Variants in TACC1 observed in about 807,000 individuals in gnomAD.
TACC1 encodes transforming acidic coiled-coil containing protein 1, also known as transforming acidic coiled-coil-containing protein 1.
TACC1 carries 48 observed loss-of-function variants against 84.4 expected under a neutral mutation model. That is an observed-to-expected ratio of 0.57 (90% CI 0.45 to 0.72). TACC1 has a LOEUF of 0.72. TACC1 is among the 30% of genes least tolerant of loss of function. TACC1 has a pLI of 0.00. For missense variants in TACC1, 920 were observed against 973.0 expected (o/e 0.95, Z 0.72); for synonymous variants, 372 against 376.3 (o/e 0.99, Z 0.13).
chr8:38,760,570 T>C lies in TACC1; in HGVS notation c.26+15077T>C, dbSNP rs1348215361. Among the ~76,000 whole-genome samples the C allele has an allele frequency of 3.3e-5, 5 of 152,156 alleles. No homozygotes were observed. In the East Asian group the frequency reaches 9.6e-4, roughly 29 times the overall value. ...TTTTTGAGATGGAGTCTCACTCTGT[T>C]GCCCAGGCTGGAGTGCAGTGGCACA... On this transcript the variant is annotated intron_variant, in intron 3 of 14. Coordinates refer to the TACC1 transcript ENST00000518415.
intron 6 of TACC1, among the ~76,000 whole-genome samples, chr8:38,831,651 G>A (rs545976206): frequency 7.2e-5 from 11 of 152,076 alleles, no homozygotes; most frequent in East Asian, 1.9e-4. Flanking sequence ...ACGTGCCACC[G>A]CACCCAGCTA....
intron 3 of TACC1, among the ~76,000 whole-genome samples, chr8:38,769,958 T>A (rs895639807): frequency 2.0e-5 from 3 of 149,954 alleles, no homozygotes; most frequent in Non-Finnish European, 4.5e-5. Context: ...TGTGTGTGTG[T>A]GAGAGAGAGT....
intron 11 of TACC1, chr8:38,846,471 G>A: frequency 2.5e-6 from 1 of 392,756 alleles, no homozygotes. Flanking sequence ...GACTGTTATA[G>A]AAACCATTTG....
At chr8:38,750,035 G>T (rs577725926) in intron 3 of TACC1, among the ~76,000 whole-genome samples, 2 of 152,256 alleles carry the variant, frequency 1.3e-5, no homozygotes, top group South Asian at 2.1e-4. Flanking sequence ...CTATAAGAAG[G>T]GGGTAAAAGG....
chr8:38,828,683 G>C (rs1404437570), intron 5 of TACC1, among the ~76,000 whole-genome samples: 1 of 152,186 alleles, frequency 6.6e-6, no homozygotes, highest in African/African-American at 2.4e-5. Context: ...AGGTCTGAGG[G>C]GTTGCTTTAT....
intron 3 of TACC1, among the ~76,000 whole-genome samples, chr8:38,775,096 T>A (rs892395358): frequency 8.5e-5 from 13 of 152,056 alleles, no homozygotes; most frequent in African/African-American, 2.7e-4. Flanking sequence ...TAAAACAATT[T>A]ACAGTGCCTT....
intron 3 of TACC1, among the ~76,000 whole-genome samples, chr8:38,753,714 A>T (rs1809441055): frequency 6.6e-6 from 1 of 152,194 alleles, no homozygotes; most frequent in South Asian, 2.1e-4. Flanking sequence ...CCCAGCTGCC[A>T]TGCCAGTCAG....
At chr8:38,741,683 G>A (rs752443870) in intron 1 of TACC1, among the ~76,000 whole-genome samples, 15 of 152,136 alleles carry the variant, frequency 9.9e-5, no homozygotes, top group Non-Finnish European at 2.1e-4. Context: ...GCCCGTCCAA[G>A]ACTAGACTGT....
chr8:38,760,464 G>A (rs1193108246), intron 3 of TACC1, among the ~76,000 whole-genome samples: 2 of 152,178 alleles, frequency 1.3e-5, no homozygotes, highest in Admixed American at 1.3e-4. Context: ...GGAAACATTG[G>A]AAATACAGTT....
At chr8:38,774,318 A>G (rs1389489676) in intron 3 of TACC1, among the ~76,000 whole-genome samples, 1 of 152,192 alleles carries the variant, frequency 6.6e-6, no homozygotes, top group African/African-American at 2.4e-5. Context: ...TACTAAGCTC[A>G]CTAATATGCA....
chr8:38,814,846 A>G (rs1825048714), intron 2 of TACC1, among the ~76,000 whole-genome samples: 1 of 152,246 alleles, frequency 6.6e-6, no homozygotes, highest in Non-Finnish European at 1.5e-5. Flanking sequence ...TCTTGTCCTA[A>G]CATTTAATAT....
Position 38,820,366 on chromosome 8 carries a change from C to CG in TACC1, c.1125dup (p.Pro376AlafsTer12), listed in dbSNP as rs1563779341. ...AGCCTACAGACCCAGTGGCACGAGA[C>CG]GGGCCTCTCTCCCAAACATCTTCCA... On this transcript the variant is annotated frameshift_variant, in exon 3 of 13. Coordinates refer to ENST00000317827, the MANE Select transcript of TACC1 (RefSeq NM_006283.3). LOFTEE classifies it high-confidence loss of function. 1 of 1,614,160 alleles carries CG rather than the reference C, an allele frequency of 6.2e-7. No individual in the cohort carries two copies. The highest frequency in any genetic ancestry group is 1.7e-5 in the Admixed American group (1 of 60,030).
At chr8:38,836,660 C>T (rs192783560) in intron 7 of TACC1, among the ~76,000 whole-genome samples, 18 of 152,290 alleles carry the variant, frequency 1.2e-4, no homozygotes, top group Non-Finnish European at 2.1e-4. Flanking sequence ...TGCAGTAATA[C>T]ACAGTTGTTT....
chr8:38,785,629 C>A (rs1245087975), upstream of TACC1: 1 of 900,722 alleles, frequency 1.1e-6, no homozygotes, highest in Non-Finnish European at 1.3e-6. Flanking sequence ...AGAACAGGTC[C>A]TAGTGTATGC....
At chr8:38,742,421 T>G in exon 2 of TACC1, 1 of 1,529,820 alleles carries the variant, frequency 6.5e-7, no homozygotes, top group Non-Finnish European at 8.8e-7. Flanking sequence ...CCAAGTACAC[T>G]GAGATCAAAT....
At chr8:38,807,165 A>G (rs1287946538) in intron 2 of TACC1, among the ~76,000 whole-genome samples, 1 of 152,164 alleles carries the variant, frequency 6.6e-6, no homozygotes, top group Non-Finnish European at 1.5e-5. Context: ...AAGCTCTCTG[A>G]AGCTCATACT....
chr8:38,736,345 T>G (rs1172672052), intron 1 of TACC1, among the ~76,000 whole-genome samples: 2 of 152,236 alleles, frequency 1.3e-5, no homozygotes, highest in African/African-American at 4.8e-5. Flanking sequence ...GCCTGTGTGG[T>G]GGCTCATGCC....
At chr8:38,788,841 TCCTG>T in intron 2 of TACC1, 22 bp downstream of exon 2, 2 of 1,561,296 alleles carry the variant, frequency 1.3e-6, no homozygotes, top group South Asian at 2.4e-5. Context: ...CTTGCATTTT[TCCTG>T]CCTGTTTTGT....
At chr8:38,750,894 C>A (rs73611018) in intron 3 of TACC1, among the ~76,000 whole-genome samples, 4 of 151,888 alleles carry the variant, frequency 2.6e-5, no homozygotes, top group Non-Finnish European at 4.4e-5. Flanking sequence ...GCAATTCCCA[C>A]GAAAATCGTA....
Sources: gnomAD v4.1 joint callset for allele counts (sites outside exome capture counted in the v4.1 genomes callset) on GRCh38, gnomAD v4.1.1 for gene constraint, MANE v1.5 for transcripts, NCBI Gene and HGNC (gene_info 2026-07-23, HGNC 2026-07-21) for gene names.